ALMS1: variants seen among roughly 807,000 people sequenced by gnomAD.
The protein encoded by ALMS1 is centrosome-associated protein ALMS1.
A neutral mutation model predicts 352.2 loss-of-function variants in ALMS1; 271 were observed. The observed-to-expected ratio is 0.77, with a 90% CI of 0.70 to 0.85. ALMS1 has a LOEUF of 0.85. Ranked by LOEUF, ALMS1 falls within the 40% of genes least tolerant of loss-of-function variation. The probability of loss-of-function intolerance (pLI) is 0.00; values close to 1 mark genes in which losing one functional copy is unlikely to be tolerated. For missense variants in ALMS1, 5,445 were observed against 4,870.7 expected (o/e 1.12, Z -3.51); for synonymous variants, 1,865 against 1,761.2 (o/e 1.06, Z -1.48).
intron 9 of ALMS1, chr2:73,459,347 C>T (rs1672139238): frequency 1.3e-5 from 2 of 152,164 alleles, no homozygotes; most frequent in Non-Finnish European, 2.9e-5. Context: ...GTGTGTTTTA[C>T]ATATTAATTA....
In ALMS1 at chr2:73,449,644, G is replaced by T. The variant is rs748646844; in HGVS notation, c.3117G>T (p.Lys1039Asn). 1 of 1,614,080 alleles carries T rather than the reference G, an allele frequency of 6.2e-7. No homozygotes were observed. The highest frequency in any genetic ancestry group is 8.5e-7 in the Non-Finnish European group (1 of 1,179,958). Residue 1039 changes from lysine (K) to asparagine (N), a missense_variant, in exon 8 of 23, where the codon AAG becomes AAT. By Grantham distance (94) the Lys-to-Asn change is moderately conservative (BLOSUM62 0). Coordinates refer to ENST00000613296, the MANE Select transcript of ALMS1 (RefSeq NM_001378454.1). ...VSTGPGPADQ[K>N]TEIPAVQSSS... Reference sequence around the variant, plus strand: ...CTGGCCCTGGACCAGCTGACCAGAAGACTGAGATACCAGCAGTACAGTCTA... The same window carrying T: ...CTGGCCCTGGACCAGCTGACCAGAATACTGAGATACCAGCAGTACAGTCTA...
chr2:73,599,345 G>A (rs1421490839), intron 16 of ALMS1, 56 bp from the exon 17 acceptor site: 5 of 1,603,936 alleles, frequency 3.1e-6, no homozygotes, highest in Non-Finnish European at 4.2e-6. Flanking sequence ...TTATCCTGTG[G>A]ATAACTGTGA....
At chr2:73,599,548 A>G (rs753901303) in intron 17 of ALMS1, 27 bp downstream of exon 17, 7 of 1,599,398 alleles carry the variant, frequency 4.4e-6, no homozygotes, top group South Asian at 1.1e-5. Context: ...AAACTTTTTC[A>G]TTGAAATACA....
At chr2:73,400,684 T>C (rs1670855865) in intron 1 of ALMS1, among the ~76,000 whole-genome samples, 1 of 152,232 alleles carries the variant, frequency 6.6e-6, no homozygotes, top group African/African-American at 2.4e-5. Context: ...TTTTAAGAAA[T>C]CGTTCATTTT....
In ALMS1 at chr2:73,386,193, G is replaced by A; in HGVS notation, c.324+1G>A. On this transcript the variant is annotated splice_donor_variant, in intron 1 of 22. Transcript: ENST00000613296. LOFTEE classifies it high-confidence loss of function. ...GGGCGAGCGGACCTCCCTGGAGAAG[G>A]TGAGGCGGGCCGGGGAGGGGTGTGG... 1 of 1,533,460 alleles carries A rather than the reference G, an allele frequency of 6.5e-7. No individual in the cohort carries two copies. The highest frequency in any genetic ancestry group is 8.8e-7 in the Non-Finnish European group (1 of 1,137,206). The allele number at this position is 1,533,460 out of a possible 1,614,324, so 95.0% of individuals were successfully genotyped here. A position where few individuals can be genotyped will look rare whatever the true frequency, so the allele number is the denominator to read the frequency against.
chr2:73,473,433 C>A (rs1415632765), intron 9 of ALMS1, among the ~76,000 whole-genome samples: 1 of 152,026 alleles, frequency 6.6e-6, no homozygotes, highest in Non-Finnish European at 1.5e-5. Context: ...TAACAGCAAA[C>A]TCCAGGGAAG....
chr2:73,482,842 C>A (rs544214602), intron 9 of ALMS1, among the ~76,000 whole-genome samples: 4,778 of 151,594 alleles, frequency 0.032, 146 homozygotes, highest in Admixed American at 0.089. Context: ...TCCATTTCTT[C>A]TAGATTTTCT....
chr2:73,605,951 T>C (rs967625193), intron 21 of ALMS1, among the ~76,000 whole-genome samples: 8 of 152,228 alleles, frequency 5.3e-5, no homozygotes, highest in Non-Finnish European at 2.9e-5. Context: ...TTCTCTCGTT[T>C]CCAAGTACGT....
intron 1 of ALMS1, among the ~76,000 whole-genome samples, chr2:73,394,353 T>C (rs1670710433): frequency 6.6e-6 from 1 of 152,002 alleles, no homozygotes; most frequent in Admixed American, 6.6e-5. Context: ...TATTAAATCA[T>C]CTGGTCCTTT....
chr2:73,580,416 C>T (rs554030878), intron 16 of ALMS1, among the ~76,000 whole-genome samples: 1 of 152,118 alleles, frequency 6.6e-6, no homozygotes, highest in South Asian at 2.1e-4. Context: ...TATTTGATTC[C>T]TCTTTGTCTT....
Position 73,450,059 on chromosome 2 carries a change from G to C in ALMS1, c.3532G>C (p.Gly1178Arg). 6.2e-7 allele frequency: 1 copy of C among 1,613,800 alleles called. No homozygotes were observed. Among genetic ancestry groups the C allele is most frequent in the Non-Finnish European group, 8.5e-7 (1 of 1,179,930 alleles). Reference protein sequence around the residue: ...AQKVSAVTGPGNQKTWIPRVL... With the variant: ...AQKVSAVTGPRNQKTWIPRVL... ...GAAAGTTTCAGCTGTTACTGGACCA[G>C]GTAACCAGAAGACTTGGATACCAAG... Residue 1178 changes from glycine to arginine, a missense_variant, in exon 8 of 23, where the codon GGT becomes CGT. Physicochemically the swap from Gly to Arg is moderately radical, Grantham distance 125. Coordinates refer to ENST00000613296, the MANE Select transcript of ALMS1 (RefSeq NM_001378454.1).
At chr2:73,437,951 A>G (rs1671638365) in intron 7 of ALMS1, among the ~76,000 whole-genome samples, 1 of 152,032 alleles carries the variant, frequency 6.6e-6, no homozygotes, top group African/African-American at 2.4e-5. Context: ...CTACAGAAAT[A>G]AAAAAAATCA....
In ALMS1 at chr2:73,573,390, T is replaced by A. The variant is rs1674987537; in HGVS notation, c.11513T>A (p.Val3838Glu). ...GTGCTGAATACAGGTCATCCCCTAG[T>A]GACTTCTGAGCACACCAGAAGGAGA... Reference protein sequence around the residue: ...KKVLNTGHPLVTSEHTRRRHI... With the variant: ...KKVLNTGHPLETSEHTRRRHI... Residue 3838 changes from valine to glutamate, a missense_variant, in exon 16 of 23, where the codon GTG (valine) becomes GAG (glutamate). By Grantham distance (121) the Val-to-Glu change is moderately radical (BLOSUM62 -2). Transcript: ENST00000613296. 2 of 1,614,030 alleles carry A rather than the reference T, an allele frequency of 1.2e-6. No homozygotes were observed.
intron 9 of ALMS1, among the ~76,000 whole-genome samples, chr2:73,484,235 T>G (rs9711238): frequency 6.6e-6 from 1 of 151,814 alleles, no homozygotes; most frequent in Non-Finnish European, 1.5e-5. Context: ...CCATGTTTAG[T>G]GCTTCCTTCA....
intron 12 of ALMS1, among the ~76,000 whole-genome samples, chr2:73,548,397 CAT>C (rs1340945175): frequency 4.6e-5 from 7 of 152,326 alleles, no homozygotes; most frequent in African/African-American, 1.4e-4. Flanking sequence ...GACACGCACA[CAT>C]GTGTGGCTGC....
chr2:73,503,665 A>G (rs991490668), intron 10 of ALMS1, among the ~76,000 whole-genome samples: 1 of 152,174 alleles, frequency 6.6e-6, no homozygotes, highest in Non-Finnish European at 1.5e-5. Flanking sequence ...ATCCCTGAGG[A>G]ATCGCCACAC....
intron 1 of ALMS1, among the ~76,000 whole-genome samples, chr2:73,400,166 G>C (rs1670846106): frequency 6.6e-6 from 1 of 151,914 alleles, no homozygotes; most frequent in African/African-American, 2.4e-5. Context: ...GGCTGGTCTC[G>C]AACTCCTGAG....
chr2:73,594,456 A>G, intron 16 of ALMS1, among the ~76,000 whole-genome samples: 1 of 152,246 alleles, frequency 6.6e-6, no homozygotes, highest in East Asian at 1.9e-4. Context: ...GGTGCACACC[A>G]TGACTACTTG....
chr2:73,438,294 A>G (rs1671646113), intron 7 of ALMS1, among the ~76,000 whole-genome samples: 1 of 152,160 alleles, frequency 6.6e-6, no homozygotes, highest in South Asian at 2.1e-4. Flanking sequence ...TCTGGGTCCT[A>G]TTTTATAACA....
Sources: allele counts gnomAD v4.1 joint callset (sites outside exome capture counted in the v4.1 genomes callset), GRCh38; gene constraint gnomAD v4.1.1; transcripts MANE v1.5; gene names NCBI Gene and HGNC (gene_info 2026-07-23, HGNC 2026-07-21).